RPTOR: variants seen among roughly 807,000 people sequenced by gnomAD.
RPTOR encodes regulatory-associated protein of mTOR.
A neutral mutation model predicts 169.9 loss-of-function variants in RPTOR; 21 were observed. That is an observed-to-expected ratio of 0.12 (90% confidence interval 0.09 to 0.18). The LOEUF is 0.18. Ranked by LOEUF, RPTOR falls within the 10% of genes least tolerant of loss-of-function variation. The pLI, the probability that RPTOR is intolerant of heterozygous loss-of-function variation, is 1.00. For synonymous variants in RPTOR, 732 were observed against 753.2 expected, an observed-to-expected ratio of 0.97 and a Z score of 0.46; for missense variants, 1,133 against 1,855.9, an observed-to-expected ratio of 0.61 and a Z score of 7.16.
intron 3 of RPTOR, among the ~76,000 whole-genome samples, chr17:80,652,673 A>G (rs1219051815): frequency 2.6e-5 from 4 of 152,142 alleles, no homozygotes; most frequent in African/African-American, 9.7e-5. Flanking sequence ...GGACACTTTC[A>G]TGGTTTCCAC....
chr17:80,711,744 C>CTATTTTTTTTTTTTTTTTTTTTTT (rs2066193067), intron 4 of RPTOR, among the ~76,000 whole-genome samples: 1 of 88,852 alleles, frequency 1.1e-5, no homozygotes, highest in Non-Finnish European at 2.0e-5. Flanking sequence ...ATACATCAGT[C>CTATTTTTTTTTTTTTTTTTTTTTT]TTTTTTTTTT....
chr17:80,809,413 G>A (rs921522982), intron 7 of RPTOR, among the ~76,000 whole-genome samples: 8 of 152,088 alleles, frequency 5.3e-5, no homozygotes, highest in Admixed American at 6.5e-5. Flanking sequence ...GGCTGATCTC[G>A]AACTCCTGAC....
chr17:80,961,641 G>T (rs949794889), intron 31 of RPTOR, 161 bp downstream of exon 31: 1 of 837,058 alleles, frequency 1.2e-6, no homozygotes. Context: ...GGCGCAGCCC[G>T]TAGGGGCCCA....
intron 1 of RPTOR, among the ~76,000 whole-genome samples, chr17:80,617,319 T>C (rs2065319318): frequency 6.6e-6 from 1 of 152,220 alleles, no homozygotes; most frequent in African/African-American, 2.4e-5. Context: ...TAATATTCTT[T>C]GAGAACATAT....
chr17:80,803,621 G>A lies in RPTOR; in HGVS notation c.890+12112G>A, dbSNP rs533022883. Reference sequence around the variant, plus strand: ...CGAGCGCACTTTTCAGACCCCGCGTGTGTTTCTCAGCACGTTTGTTCATTC... The same window carrying A: ...CGAGCGCACTTTTCAGACCCCGCGTATGTTTCTCAGCACGTTTGTTCATTC... On this transcript the variant is annotated intron_variant, in intron 7 of 33. Coordinates refer to ENST00000306801, the MANE Select transcript of RPTOR (RefSeq NM_020761.3). The surrounding 1 kb of genome is among the most constrained non-coding windows in gnomAD (Gnocchi z 6.2). 6.6e-6 allele frequency: 1 copy of A among 152,288 alleles called. No homozygotes were observed. Among genetic ancestry groups the A allele is most frequent in the South Asian group, 2.1e-4 (1 of 4,832 alleles). The allele number at this position is 152,288 out of a possible 1,614,324, so 9.4% of individuals were successfully genotyped here.
chr17:80,871,085 T>C (rs1017314796), intron 13 of RPTOR, among the ~76,000 whole-genome samples: 1 of 152,144 alleles, frequency 6.6e-6, no homozygotes, highest in African/African-American at 2.4e-5. Flanking sequence ...TTTTGTAGAC[T>C]GGCCCTCTGT....
chr17:80,568,904 C>T (rs1329415203), intron 1 of RPTOR, among the ~76,000 whole-genome samples: 1 of 152,168 alleles, frequency 6.6e-6, no homozygotes, highest in Non-Finnish European at 1.5e-5. Context: ...GTCTTGAACT[C>T]CTGGGCTGAA....
At chr17:80,893,236 C>T (rs1385364779) in intron 19 of RPTOR, among the ~76,000 whole-genome samples, 3 of 151,632 alleles carry the variant, frequency 2.0e-5, no homozygotes, top group South Asian at 2.1e-4. Flanking sequence ...GTGTGTGCGC[C>T]GGGGCGTGTG....
At chr17:80,719,899 A>G (rs1227520791) in intron 4 of RPTOR, among the ~76,000 whole-genome samples, 1 of 152,212 alleles carries the variant, frequency 6.6e-6, no homozygotes, top group African/African-American at 2.4e-5. Flanking sequence ...AATTCTAAAT[A>G]AATATTATTT....
At chr17:80,658,580 C>T (rs2065697428) in intron 3 of RPTOR, among the ~76,000 whole-genome samples, 1 of 152,128 alleles carries the variant, frequency 6.6e-6, no homozygotes, top group African/African-American at 2.4e-5. Context: ...CTTTTTGGTG[C>T]TCCTTGAACC....
chr17:80,848,988 C>A (rs901347373), intron 11 of RPTOR, among the ~76,000 whole-genome samples: 10 of 152,188 alleles, frequency 6.6e-5, no homozygotes, highest in African/African-American at 2.4e-4. Flanking sequence ...CCTCCTCCCT[C>A]TGGAGGGTCT....
At position 80,680,827 on chromosome 17, in the gene RPTOR, C is replaced by T. The variant is rs140943928; in HGVS notation, c.349-27014C>T. Reference sequence around the variant, plus strand: ...TCCTGCGTGCCGAGGCAAAGATCCGCGTATAAAATCCCACGTCGCACGTAT... The same window carrying T: ...TCCTGCGTGCCGAGGCAAAGATCCGTGTATAAAATCCCACGTCGCACGTAT... On this transcript the variant is annotated intron_variant, in intron 3 of 33. Coordinates refer to ENST00000306801, the MANE Select transcript of RPTOR (RefSeq NM_020761.3). Among the ~76,000 whole-genome samples the T allele has an allele frequency of 2.1e-3, 317 of 152,150 alleles. 2 individuals are homozygous for T. The highest frequency in any genetic ancestry group is 6.8e-3 in the Middle Eastern group (2 of 294).
At chr17:80,813,286 G>A (rs550175513) in intron 7 of RPTOR, among the ~76,000 whole-genome samples, 38 of 152,288 alleles carry the variant, frequency 2.5e-4, no homozygotes, top group African/African-American at 8.7e-4. Flanking sequence ...AGGAATGCAC[G>A]TTTCCTTGGT....
intron 1 of RPTOR, among the ~76,000 whole-genome samples, chr17:80,614,870 G>A (rs928129148): frequency 1.3e-5 from 2 of 152,162 alleles, no homozygotes; most frequent in African/African-American, 4.8e-5. Flanking sequence ...TGCGTGTGCT[G>A]TTGCCTTCGT....
At position 80,754,102 on chromosome 17, in the gene RPTOR, C is replaced by A. The variant is rs377647156; in HGVS notation, c.747C>A (p.Thr249=). 1.1e-4 allele frequency: 183 copies of A among 1,613,892 alleles called. No homozygotes were observed. Among genetic ancestry groups the A allele is most frequent in the Non-Finnish European group, 1.5e-4 (179 of 1,180,038 alleles). ...TCCAGCTGGCAGCCTGCGAGGCCACCGAGCTGCTGCCCATGATCCCCGACC... is the reference window on the plus strand; with the variant it reads ...TCCAGCTGGCAGCCTGCGAGGCCACAGAGCTGCTGCCCATGATCCCCGACC... The part of the protein sequence containing the change: ...NCIQLAACEA[T]ELLPMIPDLP... The change falls in exon 6 of 34, where the codon ACC becomes ACA. Residue 249 remains threonine (T), a synonymous_variant. Transcript: ENST00000306801. This position sits in a 1 kb window ranked among gnomAD's most constrained non-coding sequence, Gnocchi z 4.2.
At chr17:80,827,749 C>T (rs756168530) in intron 9 of RPTOR, among the ~76,000 whole-genome samples, 8 of 152,140 alleles carry the variant, frequency 5.3e-5, no homozygotes, top group Non-Finnish European at 1.0e-4. Flanking sequence ...ACACCAGTCG[C>T]GGCGGGTGAC....
intron 5 of RPTOR, among the ~76,000 whole-genome samples, chr17:80,747,201 G>A (rs942417410): frequency 6.6e-6 from 1 of 152,198 alleles, no homozygotes; most frequent in Non-Finnish European, 1.5e-5. Flanking sequence ...AGGCGACAAA[G>A]CAAGACTCCC....
intron 27 of RPTOR, 71 bp from the exon 28 acceptor site, chr17:80,949,372 C>T (rs924423285): frequency 4.6e-6 from 6 of 1,297,284 alleles, no homozygotes; most frequent in Non-Finnish European, 6.7e-6. Flanking sequence ...AGGGCTCTTA[C>T]CACCACGCAC....
chr17:80,681,949 G>A (rs954143765), intron 3 of RPTOR, among the ~76,000 whole-genome samples: 3 of 151,982 alleles, frequency 2.0e-5, no homozygotes, highest in African/African-American at 7.2e-5. Context: ...TAGAATATTG[G>A]TAAATGATGT....
Sources: allele counts gnomAD v4.1 joint callset (sites outside exome capture counted in the v4.1 genomes callset), GRCh38; gene constraint gnomAD v4.1.1; non-coding constraint Gnocchi (gnomAD v3.1); transcripts MANE v1.5; gene names NCBI Gene and HGNC (gene_info 2026-07-23, HGNC 2026-07-21).